Variants in CSMD1 observed in about 807,000 individuals in gnomAD.
CSMD1 encodes CUB and Sushi multiple domains 1.
In CSMD1, 213 loss-of-function variants were observed where a neutral mutation model predicts 417.5. The ratio of observed to expected loss-of-function variants is 0.51; its 90% CI spans 0.46 to 0.57. CSMD1 has a LOEUF of 0.57. Ranked by LOEUF, CSMD1 falls within the 20% of genes least tolerant of loss-of-function variation. The pLI is 0.00. For missense variants in CSMD1, 6,923 were observed against 4,529.7 expected (o/e 1.53, Z -15.17); for synonymous variants, 2,862 against 1,736.8 (o/e 1.65, Z -16.11).
intron 3 of CSMD1, among the ~76,000 whole-genome samples, chr8:4,375,780 C>G (rs1159213348): frequency 6.6e-6 from 1 of 152,144 alleles, no homozygotes; most frequent in Non-Finnish European, 1.5e-5. Context: ...GTGATTTCCC[C>G]CTCTTCAAAC....
chr8:2,960,568 T>C (rs1166381839), intron 62 of CSMD1, among the ~76,000 whole-genome samples: 8 of 152,210 alleles, frequency 5.3e-5, no homozygotes, highest in Non-Finnish European at 1.2e-4. Context: ...CACTGAAGTG[T>C]TAGTGTTCAT....
At chr8:4,198,811 T>C (rs1799486299) in intron 3 of CSMD1, among the ~76,000 whole-genome samples, 1 of 152,296 alleles carries the variant, frequency 6.6e-6, no homozygotes, top group South Asian at 2.1e-4. Context: ...ACAGAGGTCA[T>C]GGCACAAAAA....
intron 37 of CSMD1, among the ~76,000 whole-genome samples, chr8:3,176,043 G>A (rs559205917): frequency 1.3e-5 from 2 of 152,244 alleles, no homozygotes; most frequent in East Asian, 1.9e-4. Context: ...GTCATTAGAT[G>A]AGGTATTGAA....
intron 3 of CSMD1, among the ~76,000 whole-genome samples, chr8:4,236,511 G>C (rs556958719): frequency 1.2e-3 from 176 of 152,212 alleles, no homozygotes; most frequent in African/African-American, 4.0e-3. Context: ...GAGATGATTT[G>C]CTCAAAAAAG....
At chr8:3,889,451 CCATATATA>C (rs1167839439) in intron 5 of CSMD1, among the ~76,000 whole-genome samples, 1 of 47,050 alleles carries the variant, frequency 2.1e-5, no homozygotes, top group African/African-American at 9.0e-5. Context: ...TCTGATCTTT[CCATATATA>C]TATATATATA....
In CSMD1 at chr8:3,069,825, G is replaced by C. The variant is rs151045761; in HGVS notation, c.7475-17178C>G. ...CATTTCCCTTGGCACTGCCCTAGTA[G>C]AGGTTCTCTGTGAGGGCTCTGCACC... On this transcript the variant is annotated intron_variant, in intron 49 of 69. Transcript: ENST00000635120. Among the ~76,000 whole-genome samples the C allele has an allele frequency of 2.7e-4, 41 of 152,338 alleles. No individual in the cohort carries two copies. The Middle Eastern group carries it at 0.017, about 63-fold the overall frequency.
intron 12 of CSMD1, among the ~76,000 whole-genome samples, chr8:3,446,266 G>T (rs1416177470): frequency 2.0e-5 from 3 of 152,206 alleles, no homozygotes; most frequent in African/African-American, 7.2e-5. Context: ...AATCGGAAAC[G>T]TGTGCTGCAT....
chr8:3,224,474 G>A (rs1459777761), intron 27 of CSMD1, among the ~76,000 whole-genome samples: 1 of 152,248 alleles, frequency 6.6e-6, no homozygotes, highest in African/African-American at 2.4e-5. Flanking sequence ...CCAGTCCCCT[G>A]GTGTATGGAA....
At chr8:4,324,737 G>T (rs953888229) in intron 3 of CSMD1, among the ~76,000 whole-genome samples, 1 of 152,126 alleles carries the variant, frequency 6.6e-6, no homozygotes, top group Admixed American at 6.5e-5. Context: ...ATGGATGAAG[G>T]GTTTCAGTTT....
chr8:3,122,703 C>T (rs540443630), intron 41 of CSMD1, among the ~76,000 whole-genome samples: 6 of 152,200 alleles, frequency 3.9e-5, no homozygotes, highest in South Asian at 4.2e-4. Flanking sequence ...CTCTTGCTGC[C>T]GCCATGTAAG....
chr8:4,041,296 C>T (rs57287234), intron 3 of CSMD1, among the ~76,000 whole-genome samples: 14 of 152,014 alleles, frequency 9.2e-5, no homozygotes, highest in African/African-American at 2.2e-4. Context: ...GGATTACATG[C>T]GTGAGCCACC....
chr8:3,067,726 A>T (rs868462674), intron 49 of CSMD1, among the ~76,000 whole-genome samples: 4 of 151,628 alleles, frequency 2.6e-5, no homozygotes, highest in Non-Finnish European at 1.5e-5. Context: ...TGGTTTTAAC[A>T]ATTATAGTTT....
chr8:3,436,855 G>A (rs191822361), intron 12 of CSMD1, among the ~76,000 whole-genome samples: 50 of 151,970 alleles, frequency 3.3e-4, no homozygotes, highest in Non-Finnish European at 2.8e-4. Flanking sequence ...TTATGATTCG[G>A]GATTATTAGA....
At chr8:4,514,166 G>C (rs1195022575) in intron 2 of CSMD1, among the ~76,000 whole-genome samples, 1 of 152,032 alleles carries the variant, frequency 6.6e-6, no homozygotes, top group African/African-American at 2.4e-5. Flanking sequence ...TCTCTTCCTG[G>C]CTTGCAAAAT....
chr8:3,768,049 A>G (rs1798380577), intron 5 of CSMD1, among the ~76,000 whole-genome samples: 2 of 152,064 alleles, frequency 1.3e-5, no homozygotes, highest in Non-Finnish European at 2.9e-5. Context: ...TCAATCTTTG[A>G]CCCCGAGTAT....
chr8:3,245,583 A>G (rs1292271740), intron 26 of CSMD1, among the ~76,000 whole-genome samples: 1 of 152,228 alleles, frequency 6.6e-6, no homozygotes, highest in Non-Finnish European at 1.5e-5. Context: ...CAAGGAAGGT[A>G]GCGCCCATGC....
chr8:4,131,742 G>C (rs376408966), intron 3 of CSMD1, among the ~76,000 whole-genome samples: 4 of 139,614 alleles, frequency 2.9e-5, no homozygotes, highest in African/African-American at 7.8e-5. Context: ...GATTAAATTA[G>C]TATACAAATG....
intron 23 of CSMD1, among the ~76,000 whole-genome samples, chr8:3,329,210 A>C (rs915949703): frequency 2.0e-5 from 3 of 152,154 alleles, no homozygotes; most frequent in African/African-American, 7.2e-5. Flanking sequence ...GGATATTATC[A>C]ATAACAGAGG....
At chr8:3,447,880 A>T (rs994999378) in intron 12 of CSMD1, among the ~76,000 whole-genome samples, 1 of 152,114 alleles carries the variant, frequency 6.6e-6, no homozygotes, top group African/African-American at 2.4e-5. Context: ...CCTCAAGGCC[A>T]TGAACTGTAA....
Sources: gnomAD v4.1 joint callset for allele counts (sites outside exome capture counted in the v4.1 genomes callset) on GRCh38, gnomAD v4.1.1 for gene constraint, MANE v1.5 for transcripts, NCBI Gene and HGNC (gene_info 2026-07-23, HGNC 2026-07-21) for gene names.